ENTREP2: variants seen among roughly 807,000 people sequenced by gnomAD.
The protein encoded by ENTREP2 is protein ENTREP2.
the ENTREP2 span, among the ~76,000 whole-genome samples, chr15:29,223,558 G>A: frequency 6.6e-6 from 1 of 152,192 alleles, no homozygotes; most frequent in Non-Finnish European, 1.5e-5. Flanking sequence ...TATCAGTTTA[G>A]CCACTAATAC....
chr15:29,593,872 C>T, the ENTREP2 span, among the ~76,000 whole-genome samples: 1 of 152,154 alleles, frequency 6.6e-6, no homozygotes, highest in South Asian at 2.1e-4. Context: ...CATAAATCTG[C>T]AAATGTGGCA....
At chr15:29,161,694 T>C in the ENTREP2 span, among the ~76,000 whole-genome samples, 12 of 152,222 alleles carry the variant, frequency 7.9e-5, no homozygotes, top group African/African-American at 2.9e-4. Flanking sequence ...CATTGTTCTC[T>C]TCTGAATTGT....
the ENTREP2 span, among the ~76,000 whole-genome samples, chr15:29,220,727 A>C: frequency 6.6e-6 from 1 of 152,194 alleles, no homozygotes; most frequent in East Asian, 1.9e-4. Context: ...CAAAACATTT[A>C]GGAAAAAGTT....
At chr15:29,555,408 C>T in the ENTREP2 span, among the ~76,000 whole-genome samples, 4 of 152,172 alleles carry the variant, frequency 2.6e-5, no homozygotes, top group Non-Finnish European at 5.9e-5. Flanking sequence ...TCTTTTGGTA[C>T]TCTGTATTTC....
the ENTREP2 span, among the ~76,000 whole-genome samples, chr15:29,367,358 T>C: frequency 1.3e-5 from 2 of 152,206 alleles, no homozygotes; most frequent in Non-Finnish European, 1.5e-5. Flanking sequence ...TAGAAGACCA[T>C]ACTTACAAAC....
the ENTREP2 span, among the ~76,000 whole-genome samples, chr15:29,258,212 C>CAAAAAAAAAAAAAAAAAAA: frequency 8.5e-5 from 10 of 118,326 alleles, no homozygotes; most frequent in African/African-American, 1.3e-4. Flanking sequence ...GGCTCAGTCT[C>CAAAAAAAAAAAAAAAAAAA]AAAAAAAAAA....
the ENTREP2 span, among the ~76,000 whole-genome samples, chr15:29,410,759 A>C: frequency 2.0e-5 from 3 of 152,214 alleles, no homozygotes; most frequent in Non-Finnish European, 4.4e-5. Context: ...GTGGTATAAC[A>C]ACAGTCCATT....
the ENTREP2 span, chr15:29,233,821 C>A: frequency 1.9e-6 from 3 of 1,576,876 alleles, no homozygotes; most frequent in South Asian, 1.1e-5. Context: ...CACTGTCTGG[C>A]GAAGATTAAA....
chr15:29,132,620 GA>G, the ENTREP2 span, among the ~76,000 whole-genome samples: 18 of 152,226 alleles, frequency 1.2e-4, no homozygotes, highest in Non-Finnish European at 2.5e-4. Context: ...CAGAGTTCTG[GA>G]GAAGGGTGTC....
the ENTREP2 span, among the ~76,000 whole-genome samples, chr15:29,600,471 A>G: frequency 9.1e-6 from 1 of 109,780 alleles, no homozygotes; most frequent in Non-Finnish European, 2.2e-5. Context: ...CATCATCATC[A>G]ATCATCATCA....
chr15:29,229,884 A>G, the ENTREP2 span, among the ~76,000 whole-genome samples: 1 of 152,096 alleles, frequency 6.6e-6, no homozygotes, highest in African/African-American at 2.4e-5. Flanking sequence ...CACTTTGGTG[A>G]CTTCCAGCAT....
the ENTREP2 span, among the ~76,000 whole-genome samples, chr15:29,670,318 G>A: frequency 1.2e-4 from 19 of 152,196 alleles, no homozygotes; most frequent in Admixed American, 5.2e-4. Flanking sequence ...CTAGAAGTAA[G>A]ATGGCTCTGG....
At chr15:29,138,053 T>C in the ENTREP2 span, among the ~76,000 whole-genome samples, 2 of 152,094 alleles carry the variant, frequency 1.3e-5, no homozygotes, top group African/African-American at 4.8e-5. Context: ...TATTTAGCTG[T>C]TTAACATTTT....
the ENTREP2 span, among the ~76,000 whole-genome samples, chr15:29,183,465 G>A: frequency 6.6e-5 from 10 of 152,262 alleles, no homozygotes; most frequent in African/African-American, 2.4e-4. Flanking sequence ...GTGCACACAC[G>A]CTGCCGAGTG....
chr15:29,353,364 C>T, the ENTREP2 span, among the ~76,000 whole-genome samples: 8 of 152,122 alleles, frequency 5.3e-5, no homozygotes, highest in Non-Finnish European at 8.8e-5. Flanking sequence ...GTGTGTCTGC[C>T]TGGGAAGGAG....
At chr15:29,290,734 A>G in the ENTREP2 span, among the ~76,000 whole-genome samples, 2 of 152,198 alleles carry the variant, frequency 1.3e-5, no homozygotes, top group Non-Finnish European at 2.9e-5. Context: ...CGTGGGCCTC[A>G]CCAGTAGGTT....
the ENTREP2 span, among the ~76,000 whole-genome samples, chr15:29,656,667 G>T: frequency 1.3e-5 from 2 of 152,158 alleles, no homozygotes; most frequent in African/African-American, 4.8e-5. Flanking sequence ...CAGTACACAC[G>T]TATTAAAATG....
chr15:29,140,072 TC>T, the ENTREP2 span, among the ~76,000 whole-genome samples: 1 of 152,104 alleles, frequency 6.6e-6, no homozygotes, highest in Non-Finnish European at 1.5e-5. Flanking sequence ...TCCCTTCTGT[TC>T]CCCGGCTTTG....
chr15:29,136,470 A>G, the ENTREP2 span: 1 of 1,548,690 alleles, frequency 6.5e-7, no homozygotes, highest in Non-Finnish European at 8.7e-7. Flanking sequence ...AAAGTGCCGA[A>G]TGGAGACGGA....
Sources: allele counts gnomAD v4.1 joint callset (sites outside exome capture counted in the v4.1 genomes callset), GRCh38; gene constraint gnomAD v4.1.1; transcripts MANE v1.5; gene names NCBI Gene and HGNC (gene_info 2026-07-23, HGNC 2026-07-21).